Variants in KLHDC4 observed in about 807,000 individuals in gnomAD.
KLHDC4 encodes the protein kelch domain-containing protein 4.
Under a neutral mutation model 62.4 loss-of-function variants are expected in KLHDC4, and 90 were observed. The observed-to-expected ratio is 1.44, with a 90% confidence interval of 1.22 to 1.72. The LOEUF is 1.72. Ranked by LOEUF, KLHDC4 falls within the 40% of genes most tolerant of loss-of-function variation. The pLI, the probability that KLHDC4 is intolerant of heterozygous loss-of-function variation, is 0.00. For missense variants in KLHDC4, 1,025 were observed against 699.7 expected (o/e 1.47, Z -5.25); for synonymous variants, 386 against 284.4 (o/e 1.36, Z -3.59).
At chr16:87,757,725 C>T (rs906813715) in intron 2 of KLHDC4, among the ~76,000 whole-genome samples, 4 of 151,784 alleles carry the variant, frequency 2.6e-5, no homozygotes, top group Non-Finnish European at 4.4e-5. Flanking sequence ...CCCCCCGTCT[C>T]TACTAAAAAT....
intron 6 of KLHDC4, among the ~76,000 whole-genome samples, chr16:87,730,199 C>T (rs1269324534): frequency 1.3e-5 from 2 of 152,220 alleles, no homozygotes; most frequent in African/African-American, 4.8e-5. Flanking sequence ...AGTGATCCAC[C>T]CGCCTCAGCC....
At chr16:87,755,096 C>T in intron 4 of KLHDC4, 98 bp downstream of exon 4, 1 of 792,070 alleles carries the variant, frequency 1.3e-6, no homozygotes, top group Non-Finnish European at 2.1e-6. Context: ...GGCCCAGCCC[C>T]TCCGCACCAG....
Position 87,726,844 on chromosome 16 carries a change from C to G in KLHDC4, c.680G>C (p.Gly227Ala), listed in dbSNP as rs1567715226. ...TWSKLSPSGTGPTPRSGCQMS... is the reference protein window; with the variant it reads ...TWSKLSPSGTAPTPRSGCQMS... ...CTGGCAGCCTGATCTGGGTGTGGGC[C>G]CCGTCCCTGACGGGGACAGCTTGCT... The change falls in exon 7 of 12, where the codon GGG becomes GCG. Residue 227 changes from glycine (G) to alanine (A), a missense_variant. Gly to Ala is a moderately conservative substitution (Grantham distance 60, BLOSUM62 0). Transcript: ENST00000270583. 1 of 1,613,104 alleles carries G rather than the reference C, an allele frequency of 6.2e-7. No individual in the cohort carries two copies. The highest frequency in any genetic ancestry group is 8.5e-7 in the Non-Finnish European group (1 of 1,179,614).
chr16:87,711,445 T>C lies in KLHDC4; in HGVS notation c.836-2A>G. On this transcript the variant is annotated splice_acceptor_variant, in intron 8 of 11. Transcript: ENST00000270583. LOFTEE classifies it high-confidence loss of function. ...TCATCCGAGTCCAAACCCACTTGTC[T>C]GTCAAAAGAGAACAAGGAAGTGGGA... The C allele has an allele frequency of 6.2e-7, 1 of 1,606,538 alleles. No individual in the cohort carries two copies. Among genetic ancestry groups the C allele is most frequent in the South Asian group, 1.1e-5 (1 of 90,872 alleles).
At chr16:87,731,611 T>TG (rs34583551) in intron 5 of KLHDC4, among the ~76,000 whole-genome samples, 1 of 148,492 alleles carries the variant, frequency 6.7e-6, no homozygotes, top group Non-Finnish European at 1.5e-5. Context: ...GGCGAGGACA[T>TG]GGGGCTGCTG....
At chr16:87,706,331 G>T (rs1251716735), downstream of KLHDC4, among the ~76,000 whole-genome samples, 1 of 141,778 alleles carries the variant, frequency 7.1e-6, no homozygotes, top group Non-Finnish European at 1.5e-5. Flanking sequence ...CCCTCGGAGA[G>T]GGGGAAGTTG....
chr16:87,715,578 T>G (rs896619508), intron 7 of KLHDC4, among the ~76,000 whole-genome samples: 1 of 152,202 alleles, frequency 6.6e-6, no homozygotes, highest in African/African-American at 2.4e-5. Context: ...CTGAGGACCA[T>G]GATAGCTGTG....
At chr16:87,708,551 G>A in intron 10 of KLHDC4, 85 bp from the exon 11 acceptor site, 1 of 889,982 alleles carries the variant, frequency 1.1e-6, no homozygotes, top group East Asian at 2.7e-5. Context: ...GCTACGTCCT[G>A]GGGGGATTCC....
chr16:87,742,676 G>A (rs940532749), intron 5 of KLHDC4, among the ~76,000 whole-genome samples: 2 of 152,138 alleles, frequency 1.3e-5, no homozygotes, highest in African/African-American at 4.8e-5. Flanking sequence ...TCCGGAGTGG[G>A]AGGGCAGGAA....
intron 5 of KLHDC4, among the ~76,000 whole-genome samples, chr16:87,731,907 T>TA (rs2040441065): frequency 6.6e-6 from 1 of 152,224 alleles, no homozygotes; most frequent in African/African-American, 2.4e-5. Context: ...GAATGAATCT[T>TA]AAAAACATCT....
chr16:87,765,771 A>T (rs777514186), intron 1 of KLHDC4, 21 bp downstream of exon 1: 3 of 1,562,576 alleles, frequency 1.9e-6, no homozygotes, highest in Non-Finnish European at 2.6e-6. Flanking sequence ...CGGGCCGCTA[A>T]GCCCGGTCTG....
chr16:87,723,323 G>A (rs780088444), intron 7 of KLHDC4, among the ~76,000 whole-genome samples: 2 of 152,384 alleles, frequency 1.3e-5, no homozygotes, highest in African/African-American at 4.8e-5. Context: ...AGAGCCAAGA[G>A]CTACTGAACT....
intron 2 of KLHDC4, among the ~76,000 whole-genome samples, chr16:87,760,900 G>C (rs1454789317): frequency 6.6e-6 from 1 of 152,014 alleles, no homozygotes; most frequent in Non-Finnish European, 1.5e-5. Context: ...GGGTATGGTG[G>C]CTGGCGCCTG....
chr16:87,704,166 C>T (rs2034369730), downstream of KLHDC4, among the ~76,000 whole-genome samples: 1 of 152,254 alleles, frequency 6.6e-6, no homozygotes, highest in Non-Finnish European at 1.5e-5. Flanking sequence ...CACCTCACTC[C>T]AACACCCGAG....
At chr16:87,753,775 T>C (rs1350301997) in intron 4 of KLHDC4, among the ~76,000 whole-genome samples, 3 of 146,454 alleles carry the variant, frequency 2.0e-5, no homozygotes, top group African/African-American at 7.7e-5. Flanking sequence ...CACTCCAGCC[T>C]GGGCAACAAG....
chr16:87,736,211 G>T (rs968291100), intron 5 of KLHDC4, among the ~76,000 whole-genome samples: 4 of 152,138 alleles, frequency 2.6e-5, no homozygotes, highest in African/African-American at 9.7e-5. Flanking sequence ...CTACAAACCT[G>T]GACAGCACAG....
intron 4 of KLHDC4, among the ~76,000 whole-genome samples, chr16:87,754,004 G>C (rs1041205351): frequency 6.6e-6 from 1 of 151,586 alleles, no homozygotes; most frequent in African/African-American, 2.4e-5. Flanking sequence ...GCCGGACGTG[G>C]TGGCATGTGC....
intron 8 of KLHDC4, among the ~76,000 whole-genome samples, chr16:87,712,212 A>G (rs1286198598): frequency 6.6e-6 from 1 of 152,166 alleles, no homozygotes; most frequent in Non-Finnish European, 1.5e-5. Context: ...ACAGAGCCCA[A>G]TGTGCAGATG....
chr16:87,735,355 G>A (rs768654900), intron 5 of KLHDC4, among the ~76,000 whole-genome samples: 17 of 150,456 alleles, frequency 1.1e-4, no homozygotes, highest in East Asian at 5.8e-4. Flanking sequence ...ATCCAAGTCC[G>A]CTTCAAAAAA....
Sources: gnomAD v4.1 joint callset for allele counts (sites outside exome capture counted in the v4.1 genomes callset) on GRCh38, gnomAD v4.1.1 for gene constraint, MANE v1.5 for transcripts, NCBI Gene and HGNC (gene_info 2026-07-23, HGNC 2026-07-21) for gene names.